MRPL19: variants seen among roughly 807,000 people sequenced by gnomAD.
MRPL19 encodes mitochondrial ribosomal protein L19.
MRPL19 carries 31 observed loss-of-function variants against 34.0 expected under a neutral mutation model. The observed-to-expected ratio is 0.91, with a 90% CI of 0.68 to 1.23. MRPL19 has a LOEUF of 1.23. Ranked by LOEUF, MRPL19 falls within the 50% of genes most tolerant of loss-of-function variation. The pLI is 0.00. For missense variants in MRPL19, 384 were observed against 367.6 expected, an observed-to-expected ratio of 1.04 and a Z score of -0.37; for synonymous variants, 152 against 127.7, an observed-to-expected ratio of 1.19 and a Z score of -1.28.
chr2:75,650,646 T>C lies in MRPL19; in HGVS notation c.222-1496T>C, dbSNP rs76166243. ...GGCAGACTAGGACCCAGCAGTTGCC[T>C]AAGGCCCAAGGGTCTCCAGTTAGGA... is the stretch of plus-strand genomic sequence containing the variant. On this transcript the variant is annotated intron_variant, in intron 2 of 5. Coordinates refer to ENST00000393909, the MANE Select transcript of MRPL19 (RefSeq NM_014763.4). 5.3e-3 allele frequency among the ~76,000 whole-genome samples: 801 copies of C among 152,240 alleles called. 11 individuals are homozygous for C. Among genetic ancestry groups the C allele is most frequent in the Middle Eastern group, 0.017 (5 of 294 alleles).
rs1445938134 is a variant in MRPL19, at chr2:75,647,151, C to G, written c.153C>G (p.Pro51=). 6.3e-6 allele frequency: 10 copies of G among 1,578,138 alleles called. No individual in the cohort carries two copies. The highest frequency in any genetic ancestry group is 8.6e-6 in the Non-Finnish European group (10 of 1,161,358). The change falls in exon 2 of 6, where the codon CCC becomes CCG. Residue 51 remains proline (P), a synonymous_variant. Coordinates refer to ENST00000393909, the MANE Select transcript of MRPL19 (RefSeq NM_014763.4). Reference sequence around the variant, plus strand: ...AGCAGAGCACTGGGCCTTCCGAGCCCGGTGCGTTCCAACCGCCGCCGAAAC... The same window carrying G: ...AGCAGAGCACTGGGCCTTCCGAGCCGGGTGCGTTCCAACCGCCGCCGAAAC... The part of the protein sequence containing the change: ...VRQQSTGPSE[P]GAFQPPPKPV...
chr2:75,647,013 G>A (rs747353369), intron 1 of MRPL19, 89 bp from the exon 2 acceptor site: 18 of 1,484,152 alleles, frequency 1.2e-5, no homozygotes, highest in African/African-American at 1.4e-5. Flanking sequence ...TTGGTCCCCC[G>A]TGGGACGCCG....
chr2:75,652,505 T>A lies in MRPL19; in HGVS notation c.341-18T>A. On this transcript the variant is annotated intron_variant, in intron 3 of 5. Transcript: ENST00000393909. ...GGGTGTGCTGAAAAAAAAGTTCACT[T>A]CTCTTTTGAATTTGTAGGAAGTATT... 6.2e-7 allele frequency: 1 copy of A among 1,605,608 alleles called. No homozygotes were observed. Among genetic ancestry groups the A allele is most frequent in the Non-Finnish European group, 8.5e-7 (1 of 1,177,038 alleles).
chr2:75,652,164 C>A lies in MRPL19; in HGVS notation c.244C>A (p.Pro82Thr), dbSNP rs1439486834. Residue 82 changes from proline to threonine, a missense_variant, in exon 3 of 6, where the codon CCT becomes ACT. Pro to Thr is a conservative substitution (Grantham distance 38). Coordinates refer to ENST00000393909, the MANE Select transcript of MRPL19 (RefSeq NM_014763.4). ...CAGGTTCTTGAGTCCTGAATTCATTCCTCGAAGGGGAAGAACAGATCCTCT... is the reference window on the plus strand; with the variant it reads ...CAGGTTCTTGAGTCCTGAATTCATTACTCGAAGGGGAAGAACAGATCCTCT... ...ERRFLSPEFI[P>T]RRGRTDPLKF... 2 of 1,590,550 alleles carry A rather than the reference C, an allele frequency of 1.3e-6. No homozygotes were observed. Among genetic ancestry groups the A allele is most frequent in the Non-Finnish European group, 1.7e-6 (2 of 1,169,426 alleles).
At chr2:75,647,373 T>A (rs1347251261) in intron 2 of MRPL19, 154 bp downstream of exon 2, 15 of 667,770 alleles carry the variant, frequency 2.2e-5, no homozygotes. Context: ...CACTGTTCTT[T>A]CTTTCTCACT....
chr2:75,650,232 C>T (rs1573026239), intron 2 of MRPL19, among the ~76,000 whole-genome samples: 1 of 152,144 alleles, frequency 6.6e-6, no homozygotes, highest in East Asian at 1.9e-4. Flanking sequence ...GTCATTTATA[C>T]TTTTTATGTA....
chr2:75,647,757 G>A (rs1048239140), intron 2 of MRPL19: 4 of 152,286 alleles, frequency 2.6e-5, no homozygotes, highest in African/African-American at 9.7e-5. Context: ...AGGACTTAAG[G>A]TCTGAAAAGA....
rs1179156068 is a variant in MRPL19 at position 75,658,131 on chromosome 2, G to T, written c.*2846G>T. 1.3e-5 allele frequency among the ~76,000 whole-genome samples: 2 copies of T among 152,084 alleles called. No individual in the cohort carries two copies. Among genetic ancestry groups the T allele is most frequent in the Non-Finnish European group, 2.9e-5 (2 of 67,998 alleles). ...ATTCTATCACTCAGGTAGGAGTGCA[G>T]TGGTGTGATCATAGCTCATTGCAGC... On this transcript the variant is annotated 3_prime_UTR_variant, in exon 6 of 6. Transcript: ENST00000393909.
chr2:75,652,186 C>T lies in MRPL19; in HGVS notation c.266C>T (p.Pro89Leu). 6.2e-7 allele frequency: 1 copy of T among 1,605,836 alleles called. No individual in the cohort carries two copies. Among genetic ancestry groups the T allele is most frequent in the South Asian group, 1.1e-5 (1 of 89,980 alleles). The stretch of plus-strand genomic sequence containing the variant: ...ATTCCTCGAAGGGGAAGAACAGATC[C>T]TCTGAAATTTCAAATAGAAAGAAAA... ...EFIPRRGRTD[P>L]LKFQIERKDM... Residue 89 changes from proline (P) to leucine (L), a missense_variant, in exon 3 of 6, where the codon CCT becomes CTT. Coordinates refer to ENST00000393909, the MANE Select transcript of MRPL19 (RefSeq NM_014763.4).
At position 75,659,951 on chromosome 2, in the gene MRPL19, T is replaced by C. The variant is rs1021329219; in HGVS notation, c.*4666T>C. Among the ~76,000 whole-genome samples the C allele has an allele frequency of 2.0e-5, 3 of 152,148 alleles. No homozygotes were observed. Among genetic ancestry groups the C allele is most frequent in the Non-Finnish European group, 4.4e-5 (3 of 68,004 alleles). On this transcript the variant is annotated 3_prime_UTR_variant, in exon 6 of 6. Transcript: ENST00000393909. ...CATATTTGGCTATTATTTCTTCAAT[T>C]TTTTTCACTGCTTCTTTCTTTTCCT...
intron 2 of MRPL19, chr2:75,651,927 G>A (rs1678340278): frequency 2.8e-6 from 1 of 356,928 alleles, no homozygotes; most frequent in Non-Finnish European, 5.1e-6. Flanking sequence ...TGCTATAGAT[G>A]TTTCATAAAG....
chr2:75,650,289 AAG>A (rs1678304917), intron 2 of MRPL19, among the ~76,000 whole-genome samples: 1 of 152,032 alleles, frequency 6.6e-6, no homozygotes, highest in South Asian at 2.1e-4. Context: ...AGAAGAAAAA[AAG>A]AAGATTATTA....
At chr2:75,649,127 G>A (rs533256739) in intron 2 of MRPL19, among the ~76,000 whole-genome samples, 1 of 152,292 alleles carries the variant, frequency 6.6e-6, no homozygotes, top group South Asian at 2.1e-4. Context: ...CCAGAATCCA[G>A]AGATGAGATA....
At chr2:75,648,986 C>G (rs996531288) in intron 2 of MRPL19, among the ~76,000 whole-genome samples, 2 of 152,164 alleles carry the variant, frequency 1.3e-5, no homozygotes, top group East Asian at 1.9e-4. Context: ...ACAGTCAAAC[C>G]TAACTTTACC....
intron 4 of MRPL19, among the ~76,000 whole-genome samples, chr2:75,654,087 T>C (rs981205459): frequency 7.9e-5 from 12 of 152,180 alleles, no homozygotes; most frequent in Non-Finnish European, 1.5e-4. Context: ...AACAGAAATT[T>C]ATTTCTCACA....
chr2:75,651,320 G>C, intron 2 of MRPL19: 1 of 524,024 alleles, frequency 1.9e-6, no homozygotes, highest in South Asian at 1.4e-5. Context: ...GTCTCTCCTC[G>C]ACTTTTCAGC....
At chr2:75,651,779 TA>T (rs1678337561) in intron 2 of MRPL19, among the ~76,000 whole-genome samples, 1 of 152,252 alleles carries the variant, frequency 6.6e-6, no homozygotes, top group African/African-American at 2.4e-5. Flanking sequence ...CCAACATACC[TA>T]CATTTAAATC....
In MRPL19 at chr2:75,656,781, A is replaced by G. The variant is rs187995173; in HGVS notation, c.*1496A>G. 8.9e-4 allele frequency: 135 copies of G among 152,218 alleles called. 1 individual carries two copies. Among genetic ancestry groups the G allele is most frequent in the Middle Eastern group, 3.4e-3 (1 of 294 alleles). 9.4% of individuals were successfully genotyped at this position (152,218 alleles called of 1,614,324 possible). On this transcript the variant is annotated 3_prime_UTR_variant, in exon 6 of 6. Transcript: ENST00000393909. ...GGGTTTTAGGTGAACCCTTCCAGAT[A>G]GTAACTCATTTCTGTCAGTTCTGGG... is the stretch of plus-strand genomic sequence containing the variant.
At chr2:75,650,938 A>C (rs1336186291) in intron 2 of MRPL19, among the ~76,000 whole-genome samples, 1 of 152,146 alleles carries the variant, frequency 6.6e-6, no homozygotes, top group Non-Finnish European at 1.5e-5. Context: ...AAGGAAGCAC[A>C]CTAGAAAGGC....
Sources: gnomAD v4.1 joint callset for allele counts (sites outside exome capture counted in the v4.1 genomes callset) on GRCh38, gnomAD v4.1.1 for gene constraint, MANE v1.5 for transcripts, NCBI Gene and HGNC (gene_info 2026-07-23, HGNC 2026-07-21) for gene names.